The following PDE1A variants were observed in gnomAD, a reference collection of about 807,000 sequenced individuals.
PDE1A encodes the protein phosphodiesterase 1A.
Under a neutral mutation model 61.7 loss-of-function variants are expected in PDE1A, and 35 were observed. The ratio of observed to expected loss-of-function variants is 0.57; its 90% CI spans 0.43 to 0.75. The LOEUF is 0.75. Ranked by LOEUF, PDE1A falls within the 30% of genes least tolerant of loss-of-function variation. The pLI, the probability that PDE1A is intolerant of heterozygous loss-of-function variation, is 0.00. For missense variants in PDE1A, 597 were observed against 630.6 expected (o/e 0.95, Z 0.57); for synonymous variants, 232 against 213.2 (o/e 1.09, Z -0.77).
In PDE1A at chr2:182,442,275, A is replaced by G; in HGVS notation, c.101+80001T>C. ...TAACCAAAGTGAGGGGAAGTCTATA[A>G]ATAATTGGCCTGTACTCTAAAAATG... On this transcript the variant is annotated intron_variant, in intron 2 of 14. Transcript: ENST00000410103. Among the ~76,000 whole-genome samples the G allele has an allele frequency of 1.3e-5, 2 of 152,036 alleles. 1 individual carries two copies. The highest frequency in any genetic ancestry group is 2.9e-5 in the Non-Finnish European group (2 of 67,980).
At chr2:182,144,331 A>G (rs1431474335), downstream of PDE1A, among the ~76,000 whole-genome samples, 1 of 152,234 alleles carries the variant, frequency 6.6e-6, no homozygotes, top group East Asian at 1.9e-4. Context: ...TTTTTAAATA[A>G]TAAAGCAGCC....
At chr2:182,335,575 CAGAA>C (rs1311349668) in intron 1 of PDE1A, among the ~76,000 whole-genome samples, 2 of 152,146 alleles carry the variant, frequency 1.3e-5, no homozygotes, top group Non-Finnish European at 2.9e-5. Context: ...ATGCAGAAAA[CAGAA>C]ACTGGATCCC....
the PDE1A span, among the ~76,000 whole-genome samples, chr2:182,537,429 A>G: frequency 7.9e-5 from 12 of 152,178 alleles, no homozygotes; most frequent in African/African-American, 2.9e-4. Context: ...GTTCTCACTC[A>G]TAACTGGGAG....
chr2:182,384,237 C>T (rs1017334445), intron 1 of PDE1A, among the ~76,000 whole-genome samples: 1 of 152,038 alleles, frequency 6.6e-6, no homozygotes, highest in African/African-American at 2.4e-5. Flanking sequence ...CACACATAGA[C>T]ACATGACCAC....
In PDE1A at chr2:182,240,066, C is replaced by T. The variant is rs752572723; in HGVS notation, c.350+44G>A. ...CTTGAAAAAATGAATGTATCTGCTG[C>T]CTTTCAAATGTTACTGTCTTGAGAT... On this transcript the variant is annotated intron_variant, in intron 3 of 13. Coordinates refer to ENST00000351439, the Ensembl canonical transcript of PDE1A. The T allele has an allele frequency of 3.2e-6, 5 of 1,540,982 alleles. No individual in the cohort carries two copies. In the South Asian group the frequency reaches 3.5e-5, roughly 11 times the overall value.
At chr2:182,375,359 C>G (rs1700341285) in intron 1 of PDE1A, among the ~76,000 whole-genome samples, 2 of 152,134 alleles carry the variant, frequency 1.3e-5, no homozygotes, top group Admixed American at 6.5e-5. Context: ...AATGGGGGTA[C>G]AGGTATTGGG....
At position 182,168,152 on chromosome 2, in the gene PDE1A, G is replaced by T. The variant is rs568845500; in HGVS notation, c.*95C>A. 24 of 1,529,326 alleles carry T rather than the reference G, an allele frequency of 1.6e-5. No individual in the cohort carries two copies. In the East Asian group the frequency reaches 4.9e-4, roughly 31 times the overall value. The allele number at this position is 1,529,326 out of a possible 1,614,324, so 94.7% of individuals were successfully genotyped here. ...AAAAATAGATTTCCTGTCTCACACA[G>T]GACAGGGTAGATTTCCAGCAAGCAT... On this transcript the variant is annotated 3_prime_UTR_variant, in exon 14 of 14. Coordinates refer to ENST00000351439, the Ensembl canonical transcript of PDE1A.
chr2:182,403,505 A>G (rs1455414850), intron 1 of PDE1A, among the ~76,000 whole-genome samples: 1 of 151,314 alleles, frequency 6.6e-6, no homozygotes, highest in Non-Finnish European at 1.5e-5. Flanking sequence ...AGGCTGAGGC[A>G]GGAGAATGGT....
intron 2 of PDE1A, among the ~76,000 whole-genome samples, chr2:182,520,918 G>A (rs1012381074): frequency 2.0e-5 from 3 of 151,854 alleles, no homozygotes; most frequent in Non-Finnish European, 4.4e-5. Flanking sequence ...TACTTGTTCC[G>A]CTAGAGAACA....
downstream of PDE1A, chr2:182,143,179 A>G (rs1285375138): frequency 6.6e-6 from 1 of 152,222 alleles, no homozygotes; most frequent in Non-Finnish European, 1.5e-5. Context: ...TGGTTACTGT[A>G]GTTAAAAACC....
intron 1 of PDE1A, among the ~76,000 whole-genome samples, chr2:182,385,438 T>C (rs922573173): frequency 2.6e-5 from 4 of 152,088 alleles, no homozygotes; most frequent in African/African-American, 9.7e-5. Context: ...ATGGAATAAA[T>C]GTATATTTTG....
chr2:182,206,041 A>G (rs1413582914), exon 8 of PDE1A: 6 of 1,610,090 alleles, frequency 3.7e-6, no homozygotes, highest in Admixed American at 1.7e-5. Flanking sequence ...CAGAGCGATC[A>G]TTATACAAAA....
the PDE1A span, among the ~76,000 whole-genome samples, chr2:182,618,678 A>C: frequency 6.6e-6 from 1 of 152,184 alleles, no homozygotes; most frequent in Non-Finnish European, 1.5e-5. Flanking sequence ...CATGCATTGC[A>C]TTTCTCTCTT....
At chr2:182,610,205 A>G in the PDE1A span, among the ~76,000 whole-genome samples, 7 of 152,130 alleles carry the variant, frequency 4.6e-5, no homozygotes, top group African/African-American at 1.4e-4. Flanking sequence ...TTTTTGTCCA[A>G]TCCTATTTCT....
intron 1 of PDE1A, among the ~76,000 whole-genome samples, chr2:182,373,819 G>A (rs768986588): frequency 1.3e-5 from 2 of 152,078 alleles, no homozygotes; most frequent in Non-Finnish European, 1.5e-5. Flanking sequence ...AATGCTTGGG[G>A]GAGATATATG....
chr2:182,569,491 G>A, the PDE1A span, among the ~76,000 whole-genome samples: 2 of 152,000 alleles, frequency 1.3e-5, no homozygotes, highest in African/African-American at 4.8e-5. Context: ...CGCTCATTGA[G>A]CTCCTTGGGC....
chr2:182,270,744 A>G (rs1173554676), intron 1 of PDE1A, among the ~76,000 whole-genome samples: 1 of 151,472 alleles, frequency 6.6e-6, no homozygotes, highest in African/African-American at 2.4e-5. Context: ...TATTAACATT[A>G]AAATCTGGCC....
chr2:182,162,190 C>T (rs1455695346), intron 13 of PDE1A, among the ~76,000 whole-genome samples: 1 of 152,260 alleles, frequency 6.6e-6, no homozygotes, highest in South Asian at 2.1e-4. Flanking sequence ...GTGGGAACTA[C>T]AATCACTCAA....
chr2:182,632,067 G>C, the PDE1A span, among the ~76,000 whole-genome samples: 2 of 152,222 alleles, frequency 1.3e-5, no homozygotes, highest in South Asian at 4.1e-4. Flanking sequence ...CTTCCAGACT[G>C]AAGTATATAA....
Sources: gnomAD v4.1 joint callset for allele counts (sites outside exome capture counted in the v4.1 genomes callset) on GRCh38, gnomAD v4.1.1 for gene constraint, MANE v1.5 for transcripts, NCBI Gene and HGNC (gene_info 2026-07-23, HGNC 2026-07-21) for gene names.